Variants in SPOCK1 observed in about 807,000 individuals in gnomAD.
The protein encoded by SPOCK1 is SPARC (osteonectin), cwcv and kazal like domains proteoglycan 1, also known as testican-1.
SPOCK1 carries 23 observed loss-of-function variants against 55.3 expected under a neutral mutation model. The observed-to-expected ratio is 0.42, with a 90% CI of 0.30 to 0.59. The LOEUF is 0.59. Among genes scored for constraint, SPOCK1 ranks in the 20% least tolerant of loss-of-function variants. SPOCK1 has a pLI of 0.22. For missense variants in SPOCK1, 499 were observed against 552.5 expected (o/e 0.90, Z 0.97); for synonymous variants, 226 against 221.0 (o/e 1.02, Z -0.20).
At chr5:137,284,563 C>T (rs527917539) in intron 2 of SPOCK1, among the ~76,000 whole-genome samples, 2 of 152,316 alleles carry the variant, frequency 1.3e-5, no homozygotes, top group South Asian at 2.1e-4. Context: ...GGTGCTGGGC[C>T]TGGCTCTGCA....
chr5:137,338,285 T>C (rs1393272611), intron 2 of SPOCK1, among the ~76,000 whole-genome samples: 1 of 152,000 alleles, frequency 6.6e-6, no homozygotes, highest in Admixed American at 6.6e-5. Context: ...TTGTTGTCCT[T>C]GCGATAGTTT....
intron 2 of SPOCK1, among the ~76,000 whole-genome samples, chr5:137,346,766 G>A (rs568720486): frequency 6.6e-6 from 1 of 152,300 alleles, no homozygotes; most frequent in South Asian, 2.1e-4. Context: ...TGTGTGCCAG[G>A]CCCAGTGTTA....
intron 2 of SPOCK1, among the ~76,000 whole-genome samples, chr5:137,371,062 G>T (rs114615840): frequency 1.9e-3 from 294 of 152,306 alleles, no homozygotes; most frequent in African/African-American, 6.7e-3. Context: ...GCCATTTTCT[G>T]GGCTTATGCC....
At chr5:137,153,855 C>G (rs1754363126) in intron 3 of SPOCK1, among the ~76,000 whole-genome samples, 1 of 144,082 alleles carries the variant, frequency 6.9e-6, no homozygotes, top group Non-Finnish European at 1.5e-5. Flanking sequence ...AAGATTCTGT[C>G]TCAAAAAAAC....
chr5:137,258,477 G>A (rs1203894790), intron 3 of SPOCK1, among the ~76,000 whole-genome samples: 1 of 152,186 alleles, frequency 6.6e-6, no homozygotes, highest in East Asian at 1.9e-4. Flanking sequence ...TTTCCTGATT[G>A]GGAAAATGCA....
At chr5:137,326,127 G>A (rs189674208) in intron 2 of SPOCK1, among the ~76,000 whole-genome samples, 9 of 152,038 alleles carry the variant, frequency 5.9e-5, no homozygotes, top group Admixed American at 5.9e-4. Flanking sequence ...TGGACTCAAA[G>A]CACTGATGAT....
chr5:137,481,758 C>T (rs984537795), intron 2 of SPOCK1, among the ~76,000 whole-genome samples: 1 of 152,222 alleles, frequency 6.6e-6, no homozygotes, highest in Non-Finnish European at 1.5e-5. Flanking sequence ...CAAAGGATGG[C>T]GTCCTGCCAA....
intron 4 of SPOCK1, among the ~76,000 whole-genome samples, chr5:137,128,494 G>A (rs1166836563): frequency 1.3e-5 from 2 of 152,214 alleles, no homozygotes; most frequent in Non-Finnish European, 2.9e-5. Flanking sequence ...TGCCTACTAT[G>A]TACTGGTACT....
chr5:137,263,729 C>A (rs773106571), intron 3 of SPOCK1, among the ~76,000 whole-genome samples: 4 of 152,118 alleles, frequency 2.6e-5, no homozygotes, highest in Admixed American at 6.5e-5. Flanking sequence ...TAAATCATTA[C>A]AAGACAAAAG....
At chr5:137,304,102 TTC>T (rs1441603481) in intron 2 of SPOCK1, among the ~76,000 whole-genome samples, 2 of 151,334 alleles carry the variant, frequency 1.3e-5, no homozygotes, top group African/African-American at 4.8e-5. Flanking sequence ...ATAAAAGCAA[TTC>T]CTACTCATTA....
chr5:137,376,176 G>A (rs554903187), intron 2 of SPOCK1, among the ~76,000 whole-genome samples: 3 of 152,264 alleles, frequency 2.0e-5, no homozygotes, highest in Admixed American at 1.3e-4. Context: ...GGACAGGTAG[G>A]GCCTAGAATA....
chr5:137,467,320 A>C (rs373368607), intron 2 of SPOCK1, among the ~76,000 whole-genome samples: 1 of 152,210 alleles, frequency 6.6e-6, no homozygotes, highest in African/African-American at 2.4e-5. Flanking sequence ...GTCAGGTGAG[A>C]ATATTTGGGG....
chr5:137,079,538 C>CA (rs1214276152), intron 5 of SPOCK1, among the ~76,000 whole-genome samples: 2 of 101,806 alleles, frequency 2.0e-5, no homozygotes, highest in East Asian at 1.1e-3. Flanking sequence ...CTGATTCCCC[C>CA]CCCCCCCGAC....
intron 6 of SPOCK1, among the ~76,000 whole-genome samples, chr5:137,011,444 T>G (rs1486623172): frequency 6.6e-6 from 1 of 152,206 alleles, no homozygotes; most frequent in Non-Finnish European, 1.5e-5. Flanking sequence ...GTAATGAGGT[T>G]GTATGTTTCA....
intron 3 of SPOCK1, among the ~76,000 whole-genome samples, chr5:137,156,828 C>A (rs1322848580): frequency 6.6e-6 from 1 of 152,104 alleles, no homozygotes; most frequent in Admixed American, 6.6e-5. Context: ...AGCAAGAATT[C>A]ATACATAAGT....
intron 2 of SPOCK1, among the ~76,000 whole-genome samples, chr5:137,334,550 C>T (rs1365032404): frequency 2.0e-5 from 3 of 152,232 alleles, no homozygotes; most frequent in Non-Finnish European, 4.4e-5. Context: ...GCTCCACATT[C>T]TCTCCAAAGC....
At chr5:137,065,816 A>G (rs574856083) in intron 6 of SPOCK1, among the ~76,000 whole-genome samples, 37 of 152,326 alleles carry the variant, frequency 2.4e-4, no homozygotes, top group African/African-American at 8.2e-4. Flanking sequence ...CAGGAACAAC[A>G]CTTTGTCTGA....
chr5:137,067,779 G>A lies in SPOCK1; in HGVS notation c.525C>T (p.Leu175=). Residue 175 remains leucine (L), a synonymous_variant, in exon 6 of 11, where the codon CTC becomes CTT. Transcript: ENST00000394945. Reference sequence around the variant, plus strand: ...GGAGACAGGGACAGGGCCCATCACAGAGGGTGGCGAGGCTTTTGCCAGTAG... The same window carrying A: ...GGAGACAGGGACAGGGCCCATCACAAAGGGTGGCGAGGCTTTTGCCAGTAG... ...ACSTGKSLAT[L]CDGPCPCLPE... 5 of 1,614,158 alleles carry A rather than the reference G, an allele frequency of 3.1e-6. No individual in the cohort carries two copies. Among genetic ancestry groups the A allele is most frequent in the Non-Finnish European group, 4.2e-6 (5 of 1,180,034 alleles).
chr5:136,977,986 C>A lies in SPOCK1; in HGVS notation c.*668G>T. ...TGTGTGCAAGGCACACACATACAGT[C>A]TTTCTGTACATGCATGCATATTTAT... On this transcript the variant is annotated 3_prime_UTR_variant, in exon 11 of 11. Transcript: ENST00000394945. The A allele has an allele frequency of 5.0e-6, 2 of 398,770 alleles. No individual in the cohort carries two copies. The highest frequency in any genetic ancestry group is 2.6e-4 in the South Asian group (2 of 7,684). The allele number at this position is 398,770 out of a possible 1,614,324, so 24.7% of individuals were successfully genotyped here.
Sources: allele counts gnomAD v4.1 joint callset (sites outside exome capture counted in the v4.1 genomes callset), GRCh38; gene constraint gnomAD v4.1.1; transcripts MANE v1.5; gene names NCBI Gene and HGNC (gene_info 2026-07-23, HGNC 2026-07-21).